Variants in ZNF385D observed in about 807,000 individuals in gnomAD.
The protein encoded by ZNF385D is zinc finger protein 385D, also known as zinc finger protein 659.
ZNF385D carries 15 observed loss-of-function variants against 35.8 expected under a neutral mutation model. The observed-to-expected ratio is 0.42, with a 90% CI of 0.28 to 0.64. The LOEUF is 0.64. Ranked by LOEUF, ZNF385D falls within the 30% of genes least tolerant of loss-of-function variation. The pLI is 0.23. For missense variants in ZNF385D, 474 were observed against 494.6 expected (o/e 0.96, Z 0.39); for synonymous variants, 212 against 186.8 (o/e 1.13, Z -1.10).
chr3:21,530,701 C>T (rs937649079), intron 3 of ZNF385D, among the ~76,000 whole-genome samples: 4 of 151,972 alleles, frequency 2.6e-5, no homozygotes, highest in African/African-American at 9.7e-5. Context: ...AACTGAGGTT[C>T]GAAGTCCTCA....
chr3:21,956,994 G>A (rs1372075927), intron 3 of ZNF385D: 5 of 152,174 alleles, frequency 3.3e-5, no homozygotes, highest in Admixed American at 3.3e-4. Context: ...GGGACCTGGG[G>A]GGTGTGGGGG....
intron 2 of ZNF385D, among the ~76,000 whole-genome samples, chr3:22,344,705 AGC>A (rs535721883): frequency 3.9e-5 from 6 of 152,160 alleles, no homozygotes; most frequent in Non-Finnish European, 7.3e-5. Context: ...TACAGGCATG[AGC>A]CACTGCACCA....
At chr3:21,715,794 A>G (rs1319049018) in intron 1 of ZNF385D, among the ~76,000 whole-genome samples, 1 of 152,138 alleles carries the variant, frequency 6.6e-6, no homozygotes, top group Non-Finnish European at 1.5e-5. Flanking sequence ...TCTATCTGCT[A>G]ATAACTTACA....
At chr3:22,254,794 G>A (rs1317427755) in intron 2 of ZNF385D, among the ~76,000 whole-genome samples, 2 of 151,744 alleles carry the variant, frequency 1.3e-5, no homozygotes, top group African/African-American at 4.8e-5. Context: ...GGGTTACTAA[G>A]CAAAATCGCA....
At chr3:22,099,459 C>T (rs1005862751) in intron 3 of ZNF385D, among the ~76,000 whole-genome samples, 1 of 151,960 alleles carries the variant, frequency 6.6e-6, no homozygotes, top group Non-Finnish European at 1.5e-5. Context: ...GCAATGTTCT[C>T]CAGCTTGTCT....
At chr3:21,490,706 T>C (rs1282723934) in intron 4 of ZNF385D, among the ~76,000 whole-genome samples, 1 of 151,958 alleles carries the variant, frequency 6.6e-6, no homozygotes, top group Non-Finnish European at 1.5e-5. Flanking sequence ...GGTATCATTG[T>C]CAAATTTGAG....
At chr3:21,906,878 A>G (rs549965712) in intron 3 of ZNF385D, among the ~76,000 whole-genome samples, 29 of 152,040 alleles carry the variant, frequency 1.9e-4, no homozygotes, top group Non-Finnish European at 3.1e-4. Flanking sequence ...TAGCTTCTGT[A>G]CTCTTCAAAG....
chr3:22,204,966 G>A (rs1697050154), intron 2 of ZNF385D, among the ~76,000 whole-genome samples: 1 of 123,532 alleles, frequency 8.1e-6, no homozygotes, highest in Non-Finnish European at 1.7e-5. Context: ...TATAAAAGAG[G>A]ACTGACCAAA....
chr3:22,123,956 CTCTCTCTA>C lies in ZNF385D; in HGVS notation c.325+44853_325+44860del, dbSNP rs1389469091. ...TCTCTCTCTCTCTCTCTCTCTCTCT[CTCTCTCTA>C]TATATATATATATATATATATATAT... On this transcript the variant is annotated intron_variant, in intron 3 of 5. Transcript: ENST00000494108. 6.5e-3 allele frequency among the ~76,000 whole-genome samples: 561 copies of C among 86,482 alleles called. 1 individual carries two copies. The highest frequency in any genetic ancestry group is 0.018 in the East Asian group (58 of 3,176). 56.7% of individuals were successfully genotyped at this position (86,482 alleles called of 152,430 possible).
intron 2 of ZNF385D, among the ~76,000 whole-genome samples, chr3:22,218,417 ATAATT>A (rs1698030481): frequency 6.6e-6 from 1 of 152,028 alleles, no homozygotes; most frequent in African/African-American, 2.4e-5. Flanking sequence ...ATAAATTATA[ATAATT>A]TATTTGAAGA....
chr3:21,496,505 C>CAT (rs570706326), intron 4 of ZNF385D, among the ~76,000 whole-genome samples: 1,317 of 125,676 alleles, frequency 0.01, 27 homozygotes, highest in African/African-American at 0.037. Context: ...ATATATATAT[C>CAT]ATATATATAT....
At position 22,026,678 on chromosome 3, in the gene ZNF385D, G is replaced by A. The variant is rs183922479; in HGVS notation, c.325+142139C>T. On this transcript the variant is annotated intron_variant, in intron 3 of 5. Transcript: ENST00000494108. ...GAGTCCTCACATTGACTTCCTGAGC[G>A]GTAGAGTGAGGGTTATTATGGTGGG... 1.3e-3 allele frequency among the ~76,000 whole-genome samples: 198 copies of A among 152,280 alleles called. 1 individual carries two copies. Among genetic ancestry groups the A allele is most frequent in the Non-Finnish European group, 1.7e-3 (117 of 68,018 alleles).
chr3:22,333,756 C>T (rs1041430744), intron 2 of ZNF385D, among the ~76,000 whole-genome samples: 1 of 152,158 alleles, frequency 6.6e-6, no homozygotes, highest in Non-Finnish European at 1.5e-5. Context: ...CACTCCTCCA[C>T]CCTAGACTAG....
At chr3:21,765,991 C>T (rs2070814701) in intron 3 of ZNF385D, among the ~76,000 whole-genome samples, 1 of 151,966 alleles carries the variant, frequency 6.6e-6, no homozygotes, top group Non-Finnish European at 1.5e-5. Context: ...GTATTGTATA[C>T]CAGCTTTTTG....
chr3:21,821,698 C>T (rs1053857667), intron 3 of ZNF385D, among the ~76,000 whole-genome samples: 7 of 152,104 alleles, frequency 4.6e-5, no homozygotes, highest in African/African-American at 1.2e-4. Context: ...TGTGGTGGCT[C>T]GCGCCTGTAA....
At chr3:21,820,790 G>C (rs941819722) in intron 3 of ZNF385D, among the ~76,000 whole-genome samples, 24 of 150,256 alleles carry the variant, frequency 1.6e-4, no homozygotes, top group East Asian at 1.6e-3. Context: ...AAAACCCCAA[G>C]AAGTCTGAGG....
chr3:22,308,429 C>G (rs1703353009), intron 2 of ZNF385D, among the ~76,000 whole-genome samples: 1 of 151,924 alleles, frequency 6.6e-6, no homozygotes, highest in African/African-American at 2.4e-5. Context: ...ACAATAAAAC[C>G]TGCCTTTTTT....
At chr3:22,347,856 T>C (rs1479251405) in intron 2 of ZNF385D, among the ~76,000 whole-genome samples, 2 of 152,178 alleles carry the variant, frequency 1.3e-5, no homozygotes, top group Non-Finnish European at 2.9e-5. Flanking sequence ...TCTAAGTTTC[T>C]TATTTCAGTA....
intron 3 of ZNF385D, among the ~76,000 whole-genome samples, chr3:21,770,783 T>C (rs1277345618): frequency 6.6e-6 from 1 of 152,144 alleles, no homozygotes; most frequent in Non-Finnish European, 1.5e-5. Flanking sequence ...TAAAGACACA[T>C]GCACACGTAT....
Sources: allele counts gnomAD v4.1 joint callset (sites outside exome capture counted in the v4.1 genomes callset), GRCh38; gene constraint gnomAD v4.1.1; transcripts MANE v1.5; gene names NCBI Gene and HGNC (gene_info 2026-07-23, HGNC 2026-07-21).